The following IGF2R variants were observed in gnomAD, a reference collection of about 807,000 sequenced individuals.
IGF2R encodes cation-independent mannose-6-phosphate receptor.
Under a neutral mutation model 270.6 loss-of-function variants are expected in IGF2R, and 91 were observed. The observed-to-expected ratio is 0.34, with a 90% CI of 0.28 to 0.40. IGF2R has a LOEUF of 0.40. Among genes scored for constraint, IGF2R ranks in the 10% least tolerant of loss-of-function variants. IGF2R has a pLI of 1.00. For synonymous variants in IGF2R, 1,316 were observed against 1,258.9 expected (o/e 1.05, Z -0.96); for missense variants, 2,805 against 3,188.3 (o/e 0.88, Z 2.90).
At chr6:159,993,644 A>G (rs1283213660) in intron 2 of IGF2R, among the ~76,000 whole-genome samples, 1 of 152,200 alleles carries the variant, frequency 6.6e-6, no homozygotes, top group African/African-American at 2.4e-5. Context: ...ATTTGAAGTC[A>G]GGTAACATGA....
intron 29 of IGF2R, among the ~76,000 whole-genome samples, chr6:160,067,379 C>T (rs1441414761): frequency 6.6e-6 from 1 of 152,106 alleles, no homozygotes; most frequent in Non-Finnish European, 1.5e-5. Context: ...CCCCGAACTT[C>T]ATATCCCCCT....
chr6:160,046,358 G>T (rs554194581), intron 14 of IGF2R, 140 bp from the exon 15 acceptor site: 1 of 737,256 alleles, frequency 1.4e-6, no homozygotes, highest in Non-Finnish European at 2.1e-6. Flanking sequence ...AAGGGGCAGC[G>T]TCTCTTCTGC....
intron 29 of IGF2R, among the ~76,000 whole-genome samples, chr6:160,067,150 T>A (rs1313815075): frequency 6.6e-6 from 1 of 152,210 alleles, no homozygotes; most frequent in African/African-American, 2.4e-5. Context: ...AACCTCACTT[T>A]CACTCTGTTC....
Position 160,064,831 on chromosome 6 carries a change from T to C in IGF2R, c.4045T>C (p.Cys1349Arg). 6.2e-7 allele frequency: 1 copy of C among 1,613,614 alleles called. No homozygotes were observed. Among genetic ancestry groups the C allele is most frequent in the Non-Finnish European group, 8.5e-7 (1 of 1,179,458 alleles). Reference sequence around the variant, plus strand: ...AGTATTTCTAAAGGAGACTTCAGATTGTTCCTACTTGTTTGAGTGGCGAAC... The same window carrying C: ...AGTATTTCTAAAGGAGACTTCAGATCGTTCCTACTTGTTTGAGTGGCGAAC... ...RPVFLKETSDCSYLFEWRTQY... is the reference protein window; with the variant it reads ...RPVFLKETSDRSYLFEWRTQY... Residue 1349 changes from cysteine to arginine, a missense_variant, in exon 29 of 48, where the codon TGT becomes CGT. Transcript: ENST00000356956.
chr6:160,000,322 C>T (rs1433496002), intron 2 of IGF2R, among the ~76,000 whole-genome samples: 3 of 152,152 alleles, frequency 2.0e-5, no homozygotes, highest in Non-Finnish European at 2.9e-5. Context: ...CAGGCAGCTT[C>T]TTCACATGGT....
intron 35 of IGF2R, chr6:160,074,194 A>C: frequency 7.1e-6 from 4 of 563,234 alleles, no homozygotes; most frequent in Non-Finnish European, 1.3e-5. Flanking sequence ...TGAGCATGGG[A>C]GGTAACACGA....
chr6:159,975,441 C>A (rs1270032859), intron 1 of IGF2R, among the ~76,000 whole-genome samples: 1 of 151,918 alleles, frequency 6.6e-6, no homozygotes, highest in African/African-American at 2.4e-5. Flanking sequence ...TTCAGGAGGT[C>A]AGCATTTCTT....
chr6:160,041,612 A>T (rs1174005022), intron 11 of IGF2R, among the ~76,000 whole-genome samples: 1 of 152,178 alleles, frequency 6.6e-6, no homozygotes, highest in Non-Finnish European at 1.5e-5. Context: ...AAGAAAAATA[A>T]AACTGCCAGG....
intron 19 of IGF2R, among the ~76,000 whole-genome samples, chr6:160,053,351 C>T (rs1221509629): frequency 6.6e-6 from 1 of 152,036 alleles, no homozygotes; most frequent in Non-Finnish European, 1.5e-5. Flanking sequence ...CAACATGGCA[C>T]ATGTATACCT....
chr6:160,096,778 A>G (rs1288537998), intron 45 of IGF2R, among the ~76,000 whole-genome samples, 153 bp downstream of exon 45: 4 of 152,240 alleles, frequency 2.6e-5, no homozygotes, highest in Admixed American at 6.5e-5. Flanking sequence ...CCACATAGTC[A>G]GTGCCCCGCT....
intron 11 of IGF2R, among the ~76,000 whole-genome samples, chr6:160,042,814 G>T (rs541995184): frequency 6.6e-6 from 1 of 152,324 alleles, no homozygotes; most frequent in African/African-American, 2.4e-5. Flanking sequence ...CAAGACACAG[G>T]CTGGCTTCTT....
intron 1 of IGF2R, among the ~76,000 whole-genome samples, chr6:159,970,830 C>G (rs2115162805): frequency 6.6e-6 from 1 of 152,022 alleles, no homozygotes; most frequent in African/African-American, 2.4e-5. Context: ...CGGAATCCAG[C>G]ACTTTGGAAG....
intron 47 of IGF2R, among the ~76,000 whole-genome samples, chr6:160,104,328 CCCTTCTCCCCCAGCT>C (rs1285862597): frequency 3.9e-5 from 6 of 151,948 alleles, no homozygotes; most frequent in African/African-American, 1.5e-4. Flanking sequence ...CCGGAAGAGC[CCCTTCTCCCCCAGCT>C]GCGCTGGGGG....
intron 1 of IGF2R, among the ~76,000 whole-genome samples, chr6:159,986,631 G>A (rs1289642885): frequency 6.6e-6 from 1 of 152,088 alleles, no homozygotes; most frequent in Non-Finnish European, 1.5e-5. Flanking sequence ...AGTGAAGACG[G>A]TGTTTCCACA....
At chr6:159,976,085 A>C (rs1171097321) in intron 1 of IGF2R, among the ~76,000 whole-genome samples, 1 of 152,056 alleles carries the variant, frequency 6.6e-6, no homozygotes, top group African/African-American at 2.4e-5. Flanking sequence ...TGTTTCTTAA[A>C]GTTTGGTAGA....
chr6:160,046,910 C>T (rs184873960), intron 15 of IGF2R, among the ~76,000 whole-genome samples: 14 of 152,284 alleles, frequency 9.2e-5, no homozygotes, highest in African/African-American at 3.1e-4. Flanking sequence ...TATCTCTGTG[C>T]GTATTTCTGC....
Position 160,058,272 on chromosome 6 carries a change from T to G in IGF2R, c.2898+148T>G, listed in dbSNP as rs539734717. On this transcript the variant is annotated intron_variant, in intron 21 of 47. Coordinates refer to ENST00000356956, the MANE Select transcript of IGF2R (RefSeq NM_000876.4). Reference sequence around the variant, plus strand: ...AGAAGGAGATGGGAAAATCCAGATTTAAGGGAAAGATGAAGTAAAACCATT... The same window carrying G: ...AGAAGGAGATGGGAAAATCCAGATTGAAGGGAAAGATGAAGTAAAACCATT... 9.6e-6 allele frequency: 6 copies of G among 626,174 alleles called. No homozygotes were observed. In the South Asian group the frequency reaches 1.1e-4, roughly 12 times the overall value. The allele number at this position is 626,174 out of a possible 1,614,324, so 38.8% of individuals were successfully genotyped here. A position where few individuals can be genotyped will look rare whatever the true frequency, so the allele number is the denominator to read the frequency against.
intron 26 of IGF2R, 132 bp downstream of exon 26, chr6:160,062,751 T>G (rs1360872565): frequency 3.4e-6 from 2 of 588,256 alleles, no homozygotes; most frequent in African/African-American, 3.9e-5. Context: ...AGGGGGAGGA[T>G]AATTTCTTTT....
intron 29 of IGF2R, among the ~76,000 whole-genome samples, 172 bp from the exon 30 acceptor site, chr6:160,068,066 GTGTGTGTGTGT>G (rs1218982881): frequency 8.7e-4 from 34 of 39,178 alleles, no homozygotes; most frequent in African/African-American, 2.5e-3. Flanking sequence ...CTGATGGGGG[GTGTGTGTGTGT>G]GTGTGTGTGT....
Sources: allele counts gnomAD v4.1 joint callset (sites outside exome capture counted in the v4.1 genomes callset), GRCh38; gene constraint gnomAD v4.1.1; transcripts MANE v1.5; gene names NCBI Gene and HGNC (gene_info 2026-07-23, HGNC 2026-07-21).